The following KIAA0586 variants were observed in gnomAD, a reference collection of about 807,000 sequenced individuals.
The protein encoded by KIAA0586 is protein TALPID3.
A neutral mutation model predicts 169.8 loss-of-function variants in KIAA0586; 144 were observed. The ratio of observed to expected loss-of-function variants is 0.85; its 90% CI spans 0.74 to 0.97. The LOEUF (loss-of-function observed/expected upper bound fraction) is 0.97, where lower values mean the gene tolerates loss of function less well. KIAA0586 is among the 50% of genes least tolerant of loss of function. The pLI, the probability that KIAA0586 is intolerant of heterozygous loss-of-function variation, is 0.00. For missense variants in KIAA0586, 1,854 were observed against 1,823.0 expected (o/e 1.02, Z -0.31); for synonymous variants, 625 against 612.4 (o/e 1.02, Z -0.30).
intron 4 of KIAA0586, among the ~76,000 whole-genome samples, chr14:58,433,725 G>A (rs2037569876): frequency 6.6e-6 from 1 of 152,158 alleles, no homozygotes; most frequent in South Asian, 2.1e-4. Context: ...TCTTATAAAA[G>A]CTGAAGGAAG....
rs1399720295 is a variant in KIAA0586 at position 58,457,703 on chromosome 14, T to C, written c.1363-56T>C. ...CTCAACAATAGTGATAGCTGTTATT[T>C]TGATTAAAGGAATCGTTGTGAGTTT... On this transcript the variant is annotated intron_variant, in intron 10 of 30. Coordinates refer to ENST00000652326, the MANE Select transcript of KIAA0586 (RefSeq NM_001329943.3). The C allele has an allele frequency of 3.5e-6, 4 of 1,141,820 alleles. No homozygotes were observed. The African/African-American group carries it at 6.2e-5, about 18-fold the overall frequency. The allele number at this position is 1,141,820 out of a possible 1,614,324, so 70.7% of individuals were successfully genotyped here.
At chr14:58,540,757 A>G (rs535940925) in intron 30 of KIAA0586, among the ~76,000 whole-genome samples, 1 of 152,370 alleles carries the variant, frequency 6.6e-6, no homozygotes, top group East Asian at 1.9e-4. Flanking sequence ...CCTTTCTAAA[A>G]CATGAGTAAG....
At chr14:58,561,801 C>A in the KIAA0586 span, among the ~76,000 whole-genome samples, 1 of 151,920 alleles carries the variant, frequency 6.6e-6, no homozygotes, top group South Asian at 2.1e-4. Context: ...AGTCTTCCTT[C>A]ATTTCACTTT....
chr14:58,517,532 A>C (rs2044854221), intron 29 of KIAA0586, among the ~76,000 whole-genome samples: 2 of 152,204 alleles, frequency 1.3e-5, no homozygotes. Flanking sequence ...GGGAATGCAG[A>C]ATGCAACATG....
Position 58,474,654 on chromosome 14 carries a change from G to GT in KIAA0586, c.2685dup (p.Asn896Ter). On this transcript the variant is annotated frameshift_variant, in exon 19 of 31. Transcript: ENST00000652326. LOFTEE classifies it high-confidence loss of function. ...TTCCAGACTCTGAACCAATTCTGGA[G>GT]TTTAACAGAAGTGTTAAAGCTGATT... 6.2e-7 allele frequency: 1 copy of GT among 1,603,938 alleles called. No individual in the cohort carries two copies. The highest frequency in any genetic ancestry group is 8.5e-7 in the Non-Finnish European group (1 of 1,177,230).
chr14:58,443,406 T>C (rs567764846), intron 5 of KIAA0586, among the ~76,000 whole-genome samples: 7 of 152,254 alleles, frequency 4.6e-5, no homozygotes, highest in Non-Finnish European at 1.0e-4. Flanking sequence ...TGTCTTGTTT[T>C]AGGCATCATA....
rs887767483 is a variant in KIAA0586 at position 58,516,751 on chromosome 14, T to C, written c.4429+4124T>C. On this transcript the variant is annotated intron_variant, in intron 29 of 30. Coordinates refer to ENST00000652326, the MANE Select transcript of KIAA0586 (RefSeq NM_001329943.3). ...TTATACTATATAACTCTAAGACTTATTATAAAGCTACAGTAATCAAGACAG... is the reference window on the plus strand; with the variant it reads ...TTATACTATATAACTCTAAGACTTACTATAAAGCTACAGTAATCAAGACAG... Among the ~76,000 whole-genome samples the C allele has an allele frequency of 2.6e-5, 4 of 152,228 alleles. No individual in the cohort carries two copies. The South Asian group carries it at 6.2e-4, about 24-fold the overall frequency.
rs1017914172 is a variant in KIAA0586 at position 58,457,891 on chromosome 14, A to C, written c.1495A>C (p.Lys499Gln). The C allele has an allele frequency of 1.9e-6, 3 of 1,607,146 alleles. No homozygotes were observed. Among genetic ancestry groups the C allele is most frequent in the Non-Finnish European group, 2.6e-6 (3 of 1,176,426 alleles). Reference sequence around the variant, plus strand: ...TTTGAGAGGAGTACAAAACAATAAAAAAGTACTTGAAGAAAACCTGGAAGC... The same window carrying C: ...TTTGAGAGGAGTACAAAACAATAAACAAGTACTTGAAGAAAACCTGGAAGC... ...KILRGVQNNK[K>Q]VLEENLEAII... Residue 499 changes from lysine to glutamine, a missense_variant, in exon 11 of 31, where the codon AAA (lysine) becomes CAA (glutamine). Physicochemically the swap from Lys to Gln is moderately conservative, Grantham distance 53. Transcript: ENST00000652326.
At position 58,428,274 on chromosome 14, in the gene KIAA0586, T is replaced by C; in HGVS notation, c.10T>C (p.Ser4Pro). ...TTTTGTGACCAACAATATGAAAGGCTCTGAGGTCAGCTTGGAGAAGAAAAA... is the reference window on the plus strand; with the variant it reads ...TTTTGTGACCAACAATATGAAAGGCCCTGAGGTCAGCTTGGAGAAGAAAAA... MKG[S>P]EVSLEKKKKI... The change falls in exon 1 of 31, where the codon TCT (serine) becomes CCT (proline). Residue 4 changes from serine to proline, a missense_variant. Physicochemically the swap from Ser to Pro is moderately conservative, Grantham distance 74. Coordinates refer to ENST00000652326, the MANE Select transcript of KIAA0586 (RefSeq NM_001329943.3). 1 of 1,613,558 alleles carries C rather than the reference T, an allele frequency of 6.2e-7. No homozygotes were observed. The highest frequency in any genetic ancestry group is 8.5e-7 in the Non-Finnish European group (1 of 1,179,694).
intron 20 of KIAA0586, among the ~76,000 whole-genome samples, chr14:58,480,610 A>G (rs895195949): frequency 6.6e-6 from 1 of 152,018 alleles, no homozygotes; most frequent in Non-Finnish European, 1.5e-5. Context: ...AATTCTTCTC[A>G]TTTTTGAGAT....
chr14:58,461,258 C>T lies in KIAA0586; in HGVS notation c.2059+98C>T, dbSNP rs538248133. The stretch of plus-strand genomic sequence containing the variant: ...GCTTTTTATTTATTGCTTATACGTG[C>T]CATTCAAGTTATATGATGCTTGGGG... On this transcript the variant is annotated intron_variant, in intron 14 of 30. Coordinates refer to ENST00000652326, the MANE Select transcript of KIAA0586 (RefSeq NM_001329943.3). The T allele has an allele frequency of 4.2e-5, 34 of 814,392 alleles. No homozygotes were observed. In the African/African-American group the frequency reaches 5.6e-4, roughly 13 times the overall value. The allele number at this position is 814,392 out of a possible 1,614,324, so 50.4% of individuals were successfully genotyped here. A position where few individuals can be genotyped will look rare whatever the true frequency, so the allele number is the denominator to read the frequency against.
intron 6 of KIAA0586, among the ~76,000 whole-genome samples, chr14:58,447,346 A>G (rs1456642241): frequency 1.3e-5 from 2 of 152,170 alleles, no homozygotes; most frequent in Admixed American, 6.5e-5. Flanking sequence ...CCATAAATAT[A>G]TACACCTACT....
At chr14:58,512,191 G>A (rs2044436439) in intron 28 of KIAA0586, among the ~76,000 whole-genome samples, 1 of 152,106 alleles carries the variant, frequency 6.6e-6, no homozygotes, top group Admixed American at 6.6e-5. Context: ...TTCTTATCCT[G>A]TCTAAATCCA....
chr14:58,460,205 A>G, intron 13 of KIAA0586, 135 bp downstream of exon 13: 3 of 585,284 alleles, frequency 5.1e-6, no homozygotes, highest in Non-Finnish European at 8.8e-6. Flanking sequence ...CTATCTTTAC[A>G]CTATTGATAC....
At chr14:58,478,439 C>T (rs1262021345) in intron 20 of KIAA0586, among the ~76,000 whole-genome samples, 2 of 152,184 alleles carry the variant, frequency 1.3e-5, no homozygotes, top group Non-Finnish European at 2.9e-5. Flanking sequence ...GCCAAGGTCA[C>T]GTCACTGCAC....
intron 30 of KIAA0586, among the ~76,000 whole-genome samples, chr14:58,546,830 A>AT (rs894083220): frequency 2.0e-5 from 3 of 152,142 alleles, no homozygotes; most frequent in South Asian, 2.1e-4. Flanking sequence ...TGAAGTGGGA[A>AT]TTTTTTTTCA....
chr14:58,450,827 G>T, intron 8 of KIAA0586, 81 bp downstream of exon 8: 1 of 781,282 alleles, frequency 1.3e-6, no homozygotes, highest in Non-Finnish European at 2.1e-6. Context: ...ACTGAAGTGG[G>T]ATCTCTATTT....
chr14:58,431,143 A>G (rs1595062640), intron 3 of KIAA0586, among the ~76,000 whole-genome samples: 1 of 152,190 alleles, frequency 6.6e-6, no homozygotes. Flanking sequence ...TTCATTTTAA[A>G]TTAGTTTTTC....
chr14:58,497,046 C>T (rs950864587), intron 26 of KIAA0586, among the ~76,000 whole-genome samples: 10 of 150,190 alleles, frequency 6.7e-5, no homozygotes, highest in Non-Finnish European at 1.3e-4. Context: ...GGGATCTCGG[C>T]TCACCACAAC....
Sources: gnomAD v4.1 joint callset for allele counts (sites outside exome capture counted in the v4.1 genomes callset) on GRCh38, gnomAD v4.1.1 for gene constraint, MANE v1.5 for transcripts, NCBI Gene and HGNC (gene_info 2026-07-23, HGNC 2026-07-21) for gene names.